Variants in NBAS observed in about 807,000 individuals in gnomAD.
The protein encoded by NBAS is NBAS subunit of NRZ tethering complex.
In NBAS, 219 loss-of-function variants were observed where a neutral mutation model predicts 302.5. The ratio of observed to expected loss-of-function variants is 0.72; its 90% confidence interval spans 0.65 to 0.81. The LOEUF is 0.81. NBAS is among the 30% of genes least tolerant of loss of function. The pLI is 0.00. For synonymous variants in NBAS, 1,118 were observed against 1,021.6 expected (o/e 1.09, Z -1.80); for missense variants, 2,932 against 2,841.6 (o/e 1.03, Z -0.72).
intron 30 of NBAS, among the ~76,000 whole-genome samples, chr2:15,377,577 T>C (rs557982489): frequency 3.9e-5 from 6 of 152,326 alleles, no homozygotes; most frequent in East Asian, 3.9e-4. Flanking sequence ...CAAGGTCACA[T>C]ACCTGTTAGC....
At chr2:15,507,560 T>C (rs576955521) in intron 10 of NBAS, among the ~76,000 whole-genome samples, 12 of 152,314 alleles carry the variant, frequency 7.9e-5, no homozygotes, top group Admixed American at 3.3e-4. Context: ...ATATATTACT[T>C]CATTTACATC....
At chr2:15,041,748 T>G in the NBAS span, among the ~76,000 whole-genome samples, 151,704 of 152,368 alleles carry the variant, frequency 1, 75,525 homozygotes, top group Middle Eastern at 1. Context: ...GTCCAGTGCT[T>G]GTTTCCATAG....
At chr2:15,009,159 G>T in the NBAS span, among the ~76,000 whole-genome samples, 2 of 152,044 alleles carry the variant, frequency 1.3e-5, no homozygotes, top group African/African-American at 2.4e-5. Flanking sequence ...TAAAAACATC[G>T]CCCCTTGTTT....
chr2:15,466,186 G>C (rs1468389326), intron 19 of NBAS, among the ~76,000 whole-genome samples: 1 of 152,096 alleles, frequency 6.6e-6, no homozygotes, highest in Non-Finnish European at 1.5e-5. Context: ...GGGAATCGAA[G>C]GCTTTTGGAT....
At chr2:15,398,505 A>G (rs1187102266) in intron 26 of NBAS, among the ~76,000 whole-genome samples, 3 of 152,192 alleles carry the variant, frequency 2.0e-5, no homozygotes, top group Admixed American at 2.0e-4. Flanking sequence ...TAGAGATACA[A>G]TATTCTTCCT....
chr2:14,959,215 C>T, the NBAS span, among the ~76,000 whole-genome samples: 7 of 152,198 alleles, frequency 4.6e-5, no homozygotes, highest in Non-Finnish European at 8.8e-5. Flanking sequence ...TTCCTATCTG[C>T]TCATACTGAG....
At chr2:14,901,602 T>C in the NBAS span, among the ~76,000 whole-genome samples, 1 of 152,182 alleles carries the variant, frequency 6.6e-6, no homozygotes, top group Non-Finnish European at 1.5e-5. Flanking sequence ...GCTGAAATAC[T>C]GAACTCATCC....
At chr2:15,438,509 C>T (rs1678145489) in intron 21 of NBAS, among the ~76,000 whole-genome samples, 1 of 152,122 alleles carries the variant, frequency 6.6e-6, no homozygotes, top group African/African-American at 2.4e-5. Flanking sequence ...AAAAAACTAC[C>T]ACCACGATCA....
intron 6 of NBAS, among the ~76,000 whole-genome samples, chr2:15,549,850 A>C (rs1664294732): frequency 6.6e-6 from 1 of 151,944 alleles, no homozygotes; most frequent in Admixed American, 6.6e-5. Context: ...TACAGTCATT[A>C]TCTGTTATCT....
chr2:15,187,987 AG>A (rs986140494), intron 49 of NBAS, among the ~76,000 whole-genome samples: 1 of 152,210 alleles, frequency 6.6e-6, no homozygotes, highest in Non-Finnish European at 1.5e-5. Context: ...CCTACACTCA[AG>A]GACTTCCCCT....
At chr2:15,023,478 G>A in the NBAS span, among the ~76,000 whole-genome samples, 10 of 151,562 alleles carry the variant, frequency 6.6e-5, no homozygotes, top group South Asian at 2.1e-3. Flanking sequence ...TATATATTTG[G>A]TTTTTATTTT....
intron 41 of NBAS, among the ~76,000 whole-genome samples, chr2:15,289,892 G>A (rs1383239852): frequency 6.6e-6 from 1 of 152,170 alleles, no homozygotes; most frequent in Non-Finnish European, 1.5e-5. Flanking sequence ...AGCTACTCGA[G>A]AGGTTGAGGC....
chr2:15,147,422 C>A, the NBAS span, among the ~76,000 whole-genome samples: 2 of 151,888 alleles, frequency 1.3e-5, no homozygotes, highest in East Asian at 3.9e-4. Flanking sequence ...GGAGAAACCC[C>A]ATCTCTACTA....
At chr2:15,556,563 G>A (rs1448403553) in intron 3 of NBAS, among the ~76,000 whole-genome samples, 1 of 152,136 alleles carries the variant, frequency 6.6e-6, no homozygotes, top group Non-Finnish European at 1.5e-5. Flanking sequence ...ATTGTCATGA[G>A]ACATTCTTAA....
intron 19 of NBAS, among the ~76,000 whole-genome samples, chr2:15,463,389 T>C (rs1679588173): frequency 6.6e-6 from 1 of 152,164 alleles, no homozygotes; most frequent in Non-Finnish European, 1.5e-5. Context: ...CAAAAGACAC[T>C]GTATGAAACA....
chr2:15,088,067 A>G, the NBAS span, among the ~76,000 whole-genome samples: 10,788 of 152,226 alleles, frequency 0.071, 864 homozygotes, highest in African/African-American at 0.18. Context: ...GCTGCACCAC[A>G]TAAATGGGGC....
intron 44 of NBAS, among the ~76,000 whole-genome samples, chr2:15,249,684 A>G (rs567081270): frequency 6.6e-6 from 1 of 152,312 alleles, no homozygotes; most frequent in East Asian, 1.9e-4. Flanking sequence ...CACAGAGCCA[A>G]ATCATGAGTG....
At chr2:15,471,286 ATCT>A (rs1400974216) in intron 16 of NBAS, among the ~76,000 whole-genome samples, 1 of 152,180 alleles carries the variant, frequency 6.6e-6, no homozygotes, top group Admixed American at 6.5e-5. Flanking sequence ...AAGCAACTTT[ATCT>A]TCTTCCGTTT....
At chr2:15,321,261 C>G (rs1475583746) in intron 38 of NBAS, among the ~76,000 whole-genome samples, 1 of 152,200 alleles carries the variant, frequency 6.6e-6, no homozygotes, top group African/African-American at 2.4e-5. Context: ...GGATTAAAGA[C>G]TTAAATGTTA....
Sources: gnomAD v4.1 joint callset for allele counts (sites outside exome capture counted in the v4.1 genomes callset) on GRCh38, gnomAD v4.1.1 for gene constraint, MANE v1.5 for transcripts, NCBI Gene and HGNC (gene_info 2026-07-23, HGNC 2026-07-21) for gene names.